Variants in RBFOX1 observed in about 807,000 individuals in gnomAD.
The protein encoded by RBFOX1 is RNA binding fox-1 homolog 1.
Under a neutral mutation model 57.7 loss-of-function variants are expected in RBFOX1, and 8 were observed. The observed-to-expected ratio is 0.14, with a 90% CI of 0.08 to 0.25. The LOEUF is 0.25. Ranked by LOEUF, RBFOX1 falls within the 10% of genes least tolerant of loss-of-function variation. The pLI is 1.00. For missense variants in RBFOX1, 611 were observed against 548.5 expected (o/e 1.11, Z -1.14); for synonymous variants, 326 against 222.4 (o/e 1.47, Z -4.15).
chr16:6,222,955 G>A (rs1282890151), intron 1 of RBFOX1, among the ~76,000 whole-genome samples: 1 of 151,476 alleles, frequency 6.6e-6, no homozygotes, highest in Non-Finnish European at 1.5e-5. Context: ...GCGGTGTTTG[G>A]TTTGTTGTCC....
chr16:7,610,524 A>G (rs2057282286), intron 10 of RBFOX1, among the ~76,000 whole-genome samples: 1 of 152,100 alleles, frequency 6.6e-6, no homozygotes, highest in Middle Eastern at 3.2e-3. Flanking sequence ...CACCACCACC[A>G]TATTCACAAG....
At chr16:7,482,163 A>T (rs566272148) in intron 4 of RBFOX1, among the ~76,000 whole-genome samples, 12 of 152,188 alleles carry the variant, frequency 7.9e-5, no homozygotes, top group Non-Finnish European at 1.6e-4. Context: ...CATCTATTCC[A>T]TTGTGTTGCA....
chr16:5,908,701 A>G (rs1039286643), intron 4 of RBFOX1, among the ~76,000 whole-genome samples: 4 of 152,062 alleles, frequency 2.6e-5, no homozygotes, highest in Admixed American at 6.6e-5. Flanking sequence ...CTTAGTTTCA[A>G]TTCGATGCAT....
intron 3 of RBFOX1, among the ~76,000 whole-genome samples, chr16:6,892,381 A>T (rs146860714): frequency 6.6e-6 from 1 of 152,296 alleles, no homozygotes; most frequent in East Asian, 1.9e-4. Context: ...AAATATCCAA[A>T]GTCTGAGACC....
chr16:5,817,232 G>A (rs555993525), intron 3 of RBFOX1, among the ~76,000 whole-genome samples: 1 of 152,258 alleles, frequency 6.6e-6, no homozygotes, highest in Admixed American at 6.5e-5. Flanking sequence ...GAGCAGCCAT[G>A]TTTCTATTAC....
intron 3 of RBFOX1, among the ~76,000 whole-genome samples, chr16:6,657,139 TCTC>T (rs1210646309): frequency 2.7e-5 from 4 of 148,670 alleles, no homozygotes; most frequent in Non-Finnish European, 5.9e-5. Flanking sequence ...TCTCCTCTTC[TCTC>T]CTCTTCTCTC....
intron 3 of RBFOX1, among the ~76,000 whole-genome samples, chr16:6,808,772 A>G (rs1170960050): frequency 2.6e-5 from 4 of 152,120 alleles, no homozygotes; most frequent in Admixed American, 6.6e-5. Flanking sequence ...GGGTCTGGGT[A>G]TTAACTGTAT....
chr16:6,934,280 C>G (rs555109331), intron 3 of RBFOX1, among the ~76,000 whole-genome samples: 2 of 152,298 alleles, frequency 1.3e-5, no homozygotes, highest in South Asian at 2.1e-4. Context: ...ACTGAAGTTG[C>G]TGCGCTTGGG....
chr16:7,589,945 GTGTGTGTA>G (rs2094353766), intron 7 of RBFOX1, among the ~76,000 whole-genome samples: 1 of 149,104 alleles, frequency 6.7e-6, no homozygotes, highest in African/African-American at 2.5e-5. Flanking sequence ...GTGTGTGTGT[GTGTGTGTA>G]TGCGGACATA....
At chr16:6,287,577 A>G (rs1012600099) in intron 1 of RBFOX1, among the ~76,000 whole-genome samples, 1 of 152,310 alleles carries the variant, frequency 6.6e-6, no homozygotes, top group East Asian at 1.9e-4. Flanking sequence ...TGCCTGATTC[A>G]TAGTTAGACT....
intron 1 of RBFOX1, among the ~76,000 whole-genome samples, chr16:5,450,461 C>G (rs942275970): frequency 6.6e-6 from 1 of 152,134 alleles, no homozygotes; most frequent in Non-Finnish European, 1.5e-5. Flanking sequence ...CTCTCATGCT[C>G]GAACCCTGCT....
At chr16:5,473,630 G>A (rs1288656728) in intron 2 of RBFOX1, among the ~76,000 whole-genome samples, 1 of 143,678 alleles carries the variant, frequency 7.0e-6, no homozygotes, top group African/African-American at 2.6e-5. Flanking sequence ...TGGAAGGATA[G>A]ATGTAAGGGT....
intron 2 of RBFOX1, among the ~76,000 whole-genome samples, chr16:6,565,855 T>C (rs2097258246): frequency 6.6e-6 from 1 of 152,202 alleles, no homozygotes; most frequent in African/African-American, 2.4e-5. Flanking sequence ...TCAATCAGGG[T>C]AAGACAGGCT....
rs569157048 is a variant in RBFOX1 at position 6,700,165 on chromosome 16, C to G, written c.-16+45515C>G. Among the ~76,000 whole-genome samples the G allele has an allele frequency of 8.6e-5, 13 of 150,644 alleles. 1 individual carries two copies. In the East Asian group the frequency reaches 2.1e-3, roughly 25 times the overall value. On this transcript the variant is annotated intron_variant, in intron 3 of 15. Coordinates refer to ENST00000550418, the MANE Select transcript of RBFOX1 (RefSeq NM_018723.4). ...AAGGTGATGTATTTGATCATCAGAG[C>G]CAGAGTCGGGGGACTTACTCAATTT...
intron 1 of RBFOX1, among the ~76,000 whole-genome samples, chr16:6,050,697 C>T (rs1243126499): frequency 6.6e-6 from 1 of 151,984 alleles, no homozygotes; most frequent in African/African-American, 2.4e-5. Context: ...TACCGGAGTA[C>T]TTCTTAAAGA....
chr16:7,392,002 C>G (rs375783825), intron 4 of RBFOX1, among the ~76,000 whole-genome samples: 3 of 152,206 alleles, frequency 2.0e-5, no homozygotes, highest in Non-Finnish European at 2.9e-5. Context: ...CTCTGTCTTC[C>G]TTCCCCTCCT....
At chr16:5,754,091 A>G (rs1461240634) in intron 3 of RBFOX1, among the ~76,000 whole-genome samples, 2 of 152,158 alleles carry the variant, frequency 1.3e-5, no homozygotes. Context: ...ACTTTGTGGG[A>G]ATATTAGGGG....
chr16:7,480,251 G>C (rs114285727), intron 4 of RBFOX1, among the ~76,000 whole-genome samples: 2,347 of 152,262 alleles, frequency 0.015, 55 homozygotes, highest in African/African-American at 0.052. Context: ...AAGCAACTTA[G>C]GGTTTTGGCT....
At chr16:5,608,872 C>T (rs1381966632) in intron 3 of RBFOX1, among the ~76,000 whole-genome samples, 1 of 152,178 alleles carries the variant, frequency 6.6e-6, no homozygotes, top group Non-Finnish European at 1.5e-5. Context: ...TTCTGAAATG[C>T]ATCTCTGCTC....
Sources: allele counts gnomAD v4.1 joint callset (sites outside exome capture counted in the v4.1 genomes callset), GRCh38; gene constraint gnomAD v4.1.1; transcripts MANE v1.5; gene names NCBI Gene and HGNC (gene_info 2026-07-23, HGNC 2026-07-21).